NCALD: variants seen among roughly 807,000 people sequenced by gnomAD.
NCALD encodes the protein neurocalcin-delta.
A neutral mutation model predicts 18.6 loss-of-function variants in NCALD; 10 were observed. That is an observed-to-expected ratio of 0.54 (90% CI 0.33 to 0.91). The LOEUF is 0.91. NCALD is among the 40% of genes least tolerant of loss of function. The probability of loss-of-function intolerance (pLI) is 0.03; values close to 1 mark genes in which losing one functional copy is unlikely to be tolerated. For missense variants in NCALD, 184 were observed against 247.6 expected (o/e 0.74, Z 1.72); for synonymous variants, 88 against 87.4 (o/e 1.01, Z -0.04).
At chr8:102,019,443 C>A (rs574668022) in intron 2 of NCALD, among the ~76,000 whole-genome samples, 6 of 152,150 alleles carry the variant, frequency 3.9e-5, no homozygotes, top group African/African-American at 1.4e-4. Flanking sequence ...AACAGAAATA[C>A]GTATATGTAA....
Position 102,098,093 on chromosome 8 carries a change from G to A in NCALD, c.-210+26144C>T, listed in dbSNP as rs148905707. Among the ~76,000 whole-genome samples the A allele has an allele frequency of 2.9e-4, 44 of 152,340 alleles. 1 individual carries two copies. Among genetic ancestry groups the A allele is most frequent in the African/African-American group, 9.9e-4 (41 of 41,582 alleles). ...GGGTATGAAAGGTGGTGGGTGGGGC[G>A]TGAATACATCCAAGATATGCTTTAG... On this transcript the variant is annotated intron_variant, in intron 1 of 6. Coordinates refer to the NCALD transcript ENST00000311028.
rs576114320 is a variant in NCALD, at chr8:102,015,666, G to C, written c.-157+4571C>G. On this transcript the variant is annotated intron_variant, in intron 2 of 6. Coordinates refer to the NCALD transcript ENST00000311028. The stretch of plus-strand genomic sequence containing the variant: ...TGTATTGAACTCATTAGAGAGCTAA[G>C]GACACAAGGCAACGAAGTGAACTGA... Among the ~76,000 whole-genome samples, 3 of 152,198 alleles carry C rather than the reference G, an allele frequency of 2.0e-5. No homozygotes were observed. The South Asian group carries it at 6.2e-4, about 32-fold the overall frequency.
intron 2 of NCALD, among the ~76,000 whole-genome samples, chr8:101,946,619 G>A (rs1819184073): frequency 6.6e-6 from 1 of 151,974 alleles, no homozygotes; most frequent in Non-Finnish European, 1.5e-5. Flanking sequence ...TAATATTGCA[G>A]CAAGAACAAA....
At chr8:102,018,578 G>C (rs754659090) in intron 2 of NCALD, among the ~76,000 whole-genome samples, 38 of 152,186 alleles carry the variant, frequency 2.5e-4, no homozygotes, top group Non-Finnish European at 3.8e-4. Flanking sequence ...GTTGTCAAGG[G>C]CTAGAGGTAG....
intron 1 of NCALD, among the ~76,000 whole-genome samples, chr8:101,767,065 C>T (rs1197299929): frequency 6.6e-6 from 1 of 151,940 alleles, no homozygotes; most frequent in African/African-American, 2.4e-5. Flanking sequence ...TTGAGTTTTC[C>T]CCCTTCAGGT....
At chr8:101,697,159 AT>A (rs1162562093) in intron 2 of NCALD, among the ~76,000 whole-genome samples, 1 of 152,236 alleles carries the variant, frequency 6.6e-6, no homozygotes, top group Non-Finnish European at 1.5e-5. Flanking sequence ...AGAGAATACT[AT>A]AAACATCTCT....
intron 4 of NCALD, among the ~76,000 whole-genome samples, chr8:101,800,677 T>C (rs756835702): frequency 6.6e-6 from 1 of 151,474 alleles, no homozygotes; most frequent in African/African-American, 2.4e-5. Flanking sequence ...AGTAAAAAGA[T>C]AGATACATAT....
At chr8:102,055,251 G>GAA (rs753316443) in intron 1 of NCALD, among the ~76,000 whole-genome samples, 6 of 109,334 alleles carry the variant, frequency 5.5e-5, no homozygotes, top group East Asian at 5.6e-4. Context: ...TTCATGATAT[G>GAA]AAAAAAAAAA....
chr8:102,044,912 G>A (rs1314045707), intron 1 of NCALD, among the ~76,000 whole-genome samples: 2 of 152,164 alleles, frequency 1.3e-5, no homozygotes, highest in African/African-American at 4.8e-5. Flanking sequence ...GTGGAATCCT[G>A]TGAGGATTCA....
At chr8:101,916,204 C>G (rs954297833) in intron 2 of NCALD, among the ~76,000 whole-genome samples, 1 of 152,066 alleles carries the variant, frequency 6.6e-6, no homozygotes. Flanking sequence ...TCAGAGCAAG[C>G]ACCAGATGAG....
At chr8:101,859,353 G>T (rs1815446795) in intron 4 of NCALD, among the ~76,000 whole-genome samples, 1 of 152,186 alleles carries the variant, frequency 6.6e-6, no homozygotes, top group South Asian at 2.1e-4. Flanking sequence ...ATTTGGACTG[G>T]TTTCGTTGCT....
intron 1 of NCALD, among the ~76,000 whole-genome samples, chr8:102,086,355 C>T (rs547585652): frequency 1.3e-5 from 2 of 152,322 alleles, no homozygotes; most frequent in East Asian, 3.9e-4. Context: ...TTAAACAAAC[C>T]TGTAGAACAG....
intron 1 of NCALD, among the ~76,000 whole-genome samples, chr8:102,035,251 G>C (rs1305189659): frequency 6.6e-6 from 1 of 151,602 alleles, no homozygotes; most frequent in Non-Finnish European, 1.5e-5. Context: ...CCATGCTATG[G>C]GTGGACTCTT....
intron 4 of NCALD, among the ~76,000 whole-genome samples, chr8:101,845,159 G>C (rs929761134): frequency 6.6e-6 from 1 of 152,326 alleles, no homozygotes; most frequent in African/African-American, 2.4e-5. Flanking sequence ...TTTGTTTCTT[G>C]TTGTGCACTA....
chr8:101,853,488 C>A lies in NCALD; in HGVS notation c.-20+33653G>T, dbSNP rs1815181804. On this transcript the variant is annotated intron_variant, in intron 4 of 6. Coordinates refer to the NCALD transcript ENST00000311028. The stretch of plus-strand genomic sequence containing the variant: ...TTGCAGTACTAAAATCTGATGGTTT[C>A]ATGTAGAAATGAGATTTAAGCTTAT... Among the ~76,000 whole-genome samples, 3 of 152,166 alleles carry A rather than the reference C, an allele frequency of 2.0e-5. No individual in the cohort carries two copies. In the South Asian group the frequency reaches 6.2e-4, roughly 32 times the overall value.
chr8:102,062,625 CTT>C (rs1380168841), intron 1 of NCALD, among the ~76,000 whole-genome samples: 1 of 152,238 alleles, frequency 6.6e-6, no homozygotes, highest in Non-Finnish European at 1.5e-5. Context: ...ACAATAAACA[CTT>C]ATTTCTTGCT....
At chr8:102,104,439 A>G (rs1825383623) in intron 1 of NCALD, among the ~76,000 whole-genome samples, 1 of 152,108 alleles carries the variant, frequency 6.6e-6, no homozygotes, top group African/African-American at 2.4e-5. Flanking sequence ...GTTTTTCTCA[A>G]AAAGTTGCAA....
intron 2 of NCALD, among the ~76,000 whole-genome samples, chr8:101,717,117 GA>G (rs1303763823): frequency 6.6e-6 from 1 of 152,206 alleles, no homozygotes; most frequent in Non-Finnish European, 1.5e-5. Context: ...ATAGCCACCA[GA>G]GGGGAACTAA....
chr8:101,865,005 T>C (rs146381073), intron 4 of NCALD, among the ~76,000 whole-genome samples: 120 of 152,304 alleles, frequency 7.9e-4, no homozygotes, highest in African/African-American at 2.8e-3. Context: ...TAGAATGATA[T>C]TTTCATTATA....
Sources: gnomAD v4.1 joint callset for allele counts (sites outside exome capture counted in the v4.1 genomes callset) on GRCh38, gnomAD v4.1.1 for gene constraint, MANE v1.5 for transcripts, NCBI Gene and HGNC (gene_info 2026-07-23, HGNC 2026-07-21) for gene names.